GRHPR: variants seen among roughly 807,000 people sequenced by gnomAD.
GRHPR encodes the protein glyoxylate and hydroxypyruvate reductase.
In GRHPR, 35 loss-of-function variants were observed where a neutral mutation model predicts 36.8. The observed-to-expected ratio is 0.95, with a 90% CI of 0.73 to 1.26. The LOEUF (loss-of-function observed/expected upper bound fraction) is 1.26, where lower values mean the gene tolerates loss of function less well. GRHPR is among the 50% of genes most tolerant of loss of function. The pLI is 0.00. For synonymous variants in GRHPR, 179 were observed against 181.0 expected (o/e 0.99, Z 0.09); for missense variants, 380 against 435.0 (o/e 0.87, Z 1.12).
In GRHPR at chr9:37,436,882, T is replaced by G; in HGVS notation, c.*100T>G. 7.8e-7 allele frequency: 1 copy of G among 1,286,190 alleles called. No homozygotes were observed. Among genetic ancestry groups the G allele is most frequent in the Non-Finnish European group, 1.1e-6 (1 of 883,444 alleles). 79.7% of individuals were successfully genotyped at this position (1,286,190 alleles called of 1,614,324 possible). A position where few individuals can be genotyped will look rare whatever the true frequency, so the allele number is the denominator to read the frequency against. On this transcript the variant is annotated 3_prime_UTR_variant, in exon 9 of 9. Transcript: ENST00000318158. ...ATCCACAGGCAGAGCCAAGGGAAGG[T>G]GTGATTCTCTGAGGAAAGAGTGATT...
chr9:37,422,581 A>C (rs1412966705), upstream of GRHPR: 3 of 651,510 alleles, frequency 4.6e-6, no homozygotes, highest in Admixed American at 2.1e-5. Context: ...CCGAGCACGC[A>C]CAGTCACCGC....
chr9:37,431,820 A>G lies in GRHPR; in HGVS notation c.735-188A>G, dbSNP rs528500817. 4.0e-4 allele frequency: 232 copies of G among 581,370 alleles called. 3 individuals carry two copies. The highest frequency in any genetic ancestry group is 3.7e-3 in the South Asian group (186 of 50,668). 36.0% of individuals were successfully genotyped at this position (581,370 alleles called of 1,614,324 possible). ...CACTTGCCCAAGGTCACACAGCTAG[A>G]AGGAGGCAGGGCTGGAGTTCTCTGA... is the stretch of plus-strand genomic sequence containing the variant. On this transcript the variant is annotated intron_variant, in intron 7 of 8. Coordinates refer to ENST00000318158, the MANE Select transcript of GRHPR (RefSeq NM_012203.2).
At chr9:37,437,476 A>G (rs990470673), downstream of GRHPR, among the ~76,000 whole-genome samples, 1 of 152,146 alleles carries the variant, frequency 6.6e-6, no homozygotes, top group Non-Finnish European at 1.5e-5. Context: ...TGGCACTTGA[A>G]TCTTGATACC....
At chr9:37,426,134 C>T (rs1021666947) in intron 3 of GRHPR, 140 bp downstream of exon 3, 47 of 701,022 alleles carry the variant, frequency 6.7e-5, no homozygotes, top group Middle Eastern at 7.3e-4. Context: ...AATCTGTCCA[C>T]ATGTGCACAG....
At chr9:37,423,014 T>C (rs1822910239) in intron 1 of GRHPR, among the ~76,000 whole-genome samples, 181 bp downstream of exon 1, 1 of 152,024 alleles carries the variant, frequency 6.6e-6, no homozygotes, top group Admixed American at 6.5e-5. Flanking sequence ...AGTTCCGGCT[T>C]TGGAGAGGGG....
chr9:37,430,215 GA>G, intron 6 of GRHPR: 1 of 555,014 alleles, frequency 1.8e-6, no homozygotes, highest in Non-Finnish European at 3.2e-6. Flanking sequence ...AGTCCAGGCG[GA>G]TCCAGCACCT....
chr9:37,432,277 TTA>T (rs1564302489), intron 8 of GRHPR, 139 bp downstream of exon 8: 7 of 770,338 alleles, frequency 9.1e-6, no homozygotes, highest in Admixed American at 4.0e-5. Flanking sequence ...TCGTAAATGT[TTA>T]TGTTGTCAGT....
At chr9:37,428,858 T>G in intron 5 of GRHPR, 1 of 535,952 alleles carries the variant, frequency 1.9e-6, no homozygotes, top group Non-Finnish European at 3.5e-6. Flanking sequence ...ACTACAAATG[T>G]GTTGGGGCCG....
Position 37,432,149 on chromosome 9 carries a change from C to T in GRHPR, c.865+11C>T, listed in dbSNP as rs1564302407. ...CCCTGAAGAACTGTGGTAAGAACTG[C>T]ACTTTCTGATGCAAACTCCCTGCTG... On this transcript the variant is annotated intron_variant, in intron 8 of 8. Transcript: ENST00000318158. 1.2e-6 allele frequency: 2 copies of T among 1,613,640 alleles called. No individual in the cohort carries two copies. The highest frequency in any genetic ancestry group is 1.7e-5 in the Admixed American group (1 of 60,016).
chr9:37,422,868 G>T, intron 1 of GRHPR, 35 bp downstream of exon 1: 1 of 1,480,384 alleles, frequency 6.8e-7, no homozygotes, highest in Non-Finnish European at 9.2e-7. Context: ...GAGGGAGCAG[G>T]GCGGTCCCAG....
downstream of GRHPR, among the ~76,000 whole-genome samples, chr9:37,437,788 C>G (rs1470206826): frequency 6.6e-6 from 1 of 151,990 alleles, no homozygotes; most frequent in Non-Finnish European, 1.5e-5. Flanking sequence ...AATCAGCTTC[C>G]AGCTCTTCCC....
At chr9:37,431,647 A>C (rs1025597107) in intron 7 of GRHPR, 9 of 315,366 alleles carry the variant, frequency 2.9e-5, no homozygotes, top group African/African-American at 1.9e-4. Flanking sequence ...GGCCTAACAC[A>C]GATGCCCTTC....
At position 37,429,784 on chromosome 9, in the gene GRHPR, C is replaced by T. The variant is rs754799506; in HGVS notation, c.546C>T (p.Tyr182=). The change falls in exon 6 of 9, where the codon TAC becomes TAT. Residue 182 remains tyrosine (Y), a synonymous_variant. Coordinates refer to ENST00000318158, the MANE Select transcript of GRHPR (RefSeq NM_012203.2). The part of the protein sequence containing the change: ...LKPFGVQRFL[Y]TGRQPRPEEA... ...CATTCGGTGTCCAGAGATTTCTGTACACAGGGCGCCAGCCCAGGCCTGAGG... is the reference window on the plus strand; with the variant it reads ...CATTCGGTGTCCAGAGATTTCTGTATACAGGGCGCCAGCCCAGGCCTGAGG... The T allele has an allele frequency of 2.4e-5, 38 of 1,613,460 alleles. No homozygotes were observed. The highest frequency in any genetic ancestry group is 2.9e-5 in the Non-Finnish European group (34 of 1,179,318).
intron 1 of GRHPR, among the ~76,000 whole-genome samples, chr9:37,423,741 T>A (rs1177315541): frequency 1.3e-5 from 2 of 152,218 alleles, no homozygotes; most frequent in African/African-American, 2.4e-5. Context: ...CCCAAAGTGC[T>A]GGGATTACAG....
At chr9:37,434,957 A>AT (rs1329777725) in intron 8 of GRHPR, 1 of 152,282 alleles carries the variant, frequency 6.6e-6, no homozygotes, top group African/African-American at 2.4e-5. Context: ...ATATGTCTGA[A>AT]ACGTTGGGGT....
At chr9:37,434,186 T>G (rs2118901492) in intron 8 of GRHPR, 1 of 399,702 alleles carries the variant, frequency 2.5e-6, no homozygotes, top group South Asian at 1.3e-4. Flanking sequence ...CATGTCCTAC[T>G]GCCAGCAGGA....
chr9:37,430,210 A>C (rs1161016308), intron 6 of GRHPR: 1 of 549,908 alleles, frequency 1.8e-6, no homozygotes, highest in Admixed American at 3.0e-5. Context: ...CCCTTAGTCC[A>C]GGCGGATCCA....
chr9:37,425,527 G>C (rs1218828053), intron 2 of GRHPR, among the ~76,000 whole-genome samples: 1 of 152,268 alleles, frequency 6.6e-6, no homozygotes, highest in Non-Finnish European at 1.5e-5. Flanking sequence ...TGGAAGCTTT[G>C]TGGTGTCCTG....
chr9:37,428,419 G>T, intron 4 of GRHPR, 65 bp from the exon 5 acceptor site: 1 of 1,051,434 alleles, frequency 9.5e-7, no homozygotes. Context: ...GAGGTGCCGG[G>T]TTCTCAGCGG....
Sources: gnomAD v4.1 joint callset for allele counts (sites outside exome capture counted in the v4.1 genomes callset) on GRCh38, gnomAD v4.1.1 for gene constraint, MANE v1.5 for transcripts, NCBI Gene and HGNC (gene_info 2026-07-23, HGNC 2026-07-21) for gene names.